The following TBC1D5 variants were observed in gnomAD, a reference collection of about 807,000 sequenced individuals.
The protein encoded by TBC1D5 is TBC1 domain family member 5, also known as TBC1 domain family, member 5.
In TBC1D5, 75 loss-of-function variants were observed where a neutral mutation model predicts 100.3. That is an observed-to-expected ratio of 0.75 (90% CI 0.62 to 0.91). The LOEUF is 0.91. TBC1D5 is among the 40% of genes least tolerant of loss of function. The pLI is 0.00. For missense variants in TBC1D5, 910 were observed against 942.4 expected (o/e 0.97, Z 0.45); for synonymous variants, 323 against 325.6 (o/e 0.99, Z 0.09).
At chr3:17,582,269 G>A (rs570863914) in intron 2 of TBC1D5, among the ~76,000 whole-genome samples, 1 of 152,260 alleles carries the variant, frequency 6.6e-6, no homozygotes, top group East Asian at 1.9e-4. Context: ...TTCTCAGGAG[G>A]AATAATGGAT....
At chr3:17,258,951 A>AT (rs1442491471) in intron 15 of TBC1D5, among the ~76,000 whole-genome samples, 1 of 152,192 alleles carries the variant, frequency 6.6e-6, no homozygotes, top group Admixed American at 6.5e-5. Context: ...ATGGAGAGAC[A>AT]TAAGGTGTCA....
chr3:17,473,598 T>C (rs558099203), intron 3 of TBC1D5, among the ~76,000 whole-genome samples: 8 of 152,222 alleles, frequency 5.3e-5, no homozygotes, highest in Non-Finnish European at 8.8e-5. Context: ...TGAAGGTGGC[T>C]CTGTGGATCA....
intron 3 of TBC1D5, among the ~76,000 whole-genome samples, chr3:17,456,307 A>T (rs1010951509): frequency 2.0e-5 from 3 of 152,204 alleles, no homozygotes; most frequent in African/African-American, 7.2e-5. Flanking sequence ...ATGGGATCAC[A>T]TCAAGTTAAA....
At chr3:17,538,799 G>C (rs1315213201) in intron 2 of TBC1D5, among the ~76,000 whole-genome samples, 1 of 152,310 alleles carries the variant, frequency 6.6e-6, no homozygotes, top group East Asian at 1.9e-4. Context: ...AGTATCTTGG[G>C]AGGCTAAGGC....
At chr3:17,174,028 G>A (rs767796605) in intron 19 of TBC1D5, among the ~76,000 whole-genome samples, 16 of 152,134 alleles carry the variant, frequency 1.1e-4, no homozygotes, top group Non-Finnish European at 2.4e-4. Context: ...GTATCTCTGT[G>A]TGTCCTTGCA....
intron 1 of TBC1D5, among the ~76,000 whole-genome samples, chr3:17,715,857 G>T (rs1376397602): frequency 6.6e-6 from 1 of 151,988 alleles, no homozygotes; most frequent in Admixed American, 6.6e-5. Flanking sequence ...AAGAGTTTGA[G>T]ACCAGCCTGG....
intron 13 of TBC1D5, chr3:17,337,673 A>C (rs1462338777): frequency 6.6e-6 from 1 of 152,212 alleles, no homozygotes; most frequent in African/African-American, 2.4e-5. Flanking sequence ...AGTTTAAATA[A>C]AGAACACAAT....
chr3:17,341,549 A>C (rs1401717952), intron 13 of TBC1D5, among the ~76,000 whole-genome samples: 13 of 152,188 alleles, frequency 8.5e-5, no homozygotes. Context: ...GAGAAACTGC[A>C]GCCTGGAGAT....
At chr3:17,531,277 G>A (rs2096220681) in intron 2 of TBC1D5, among the ~76,000 whole-genome samples, 1 of 152,114 alleles carries the variant, frequency 6.6e-6, no homozygotes, top group South Asian at 2.1e-4. Context: ...AAACTTACAA[G>A]GGATGTGAAG....
chr3:17,595,034 G>C (rs746737520), intron 2 of TBC1D5, among the ~76,000 whole-genome samples: 1 of 152,108 alleles, frequency 6.6e-6, no homozygotes, highest in Non-Finnish European at 1.5e-5. Context: ...AATATAAGCA[G>C]GCAGAAAAGT....
intron 1 of TBC1D5, among the ~76,000 whole-genome samples, chr3:17,707,700 C>A (rs1038884396): frequency 1.9e-4 from 29 of 152,248 alleles, no homozygotes; most frequent in African/African-American, 6.5e-4. Context: ...CCAGTCAAAA[C>A]AGCTTCTTCA....
chr3:17,210,166 G>A (rs980752563), intron 18 of TBC1D5, among the ~76,000 whole-genome samples: 2 of 151,708 alleles, frequency 1.3e-5, no homozygotes, highest in East Asian at 3.9e-4. Flanking sequence ...TTGAATCTAG[G>A]TTAGAAGTAA....
intron 2 of TBC1D5, among the ~76,000 whole-genome samples, chr3:17,597,309 T>G (rs1033788496): frequency 9.9e-5 from 15 of 152,146 alleles, no homozygotes; most frequent in Admixed American, 2.6e-4. Context: ...ATATTGATAT[T>G]TATATGGAGT....
chr3:17,689,156 GCTA>G lies in TBC1D5; in HGVS notation c.-101+50184_-101+50186del, dbSNP rs536275623. On this transcript the variant is annotated intron_variant, in intron 1 of 21. Coordinates refer to ENST00000253692, the Ensembl canonical transcript of TBC1D5. Reference sequence around the variant, plus strand: ...AAAAACAAAGGAAAAGACATTCAAAGCTACTAACAAGTGCATGGAGTTGGCCAA... The same window carrying G: ...AAAAACAAAGGAAAAGACATTCAAAGCTAACAAGTGCATGGAGTTGGCCAA... Among the ~76,000 whole-genome samples the G allele has an allele frequency of 1.1e-4, 16 of 152,218 alleles. No individual in the cohort carries two copies. In the South Asian group the frequency reaches 3.1e-3, roughly 30 times the overall value.
chr3:17,429,913 T>C (rs1298518543), intron 3 of TBC1D5, among the ~76,000 whole-genome samples: 1 of 151,532 alleles, frequency 6.6e-6, no homozygotes, highest in Non-Finnish European at 1.5e-5. Flanking sequence ...ATTGTTCCAG[T>C]TTATTTTGTT....
intron 18 of TBC1D5, among the ~76,000 whole-genome samples, chr3:17,191,926 T>C (rs768736165): frequency 2.0e-5 from 3 of 152,104 alleles, no homozygotes; most frequent in African/African-American, 4.8e-5. Context: ...ACCCAACTTA[T>C]GCAACCTTTA....
intron 1 of TBC1D5, among the ~76,000 whole-genome samples, chr3:17,723,849 C>A (rs183027479): frequency 2.5e-3 from 377 of 152,150 alleles, no homozygotes; most frequent in Non-Finnish European, 4.0e-3. Flanking sequence ...AATGGATTTT[C>A]AACTGCACAG....
At chr3:17,356,467 C>G (rs1181371943) in intron 13 of TBC1D5, among the ~76,000 whole-genome samples, 1 of 152,110 alleles carries the variant, frequency 6.6e-6, no homozygotes, top group Non-Finnish European at 1.5e-5. Flanking sequence ...AAGCATAATG[C>G]TTGATATTAG....
intron 8 of TBC1D5, among the ~76,000 whole-genome samples, chr3:17,396,761 G>A (rs1306608743): frequency 2.0e-5 from 3 of 152,134 alleles, no homozygotes; most frequent in African/African-American, 7.2e-5. Context: ...TTCTAAAGGT[G>A]AGAGAAAAGA....
Sources: allele counts gnomAD v4.1 joint callset (sites outside exome capture counted in the v4.1 genomes callset), GRCh38; gene constraint gnomAD v4.1.1; transcripts MANE v1.5; gene names NCBI Gene and HGNC (gene_info 2026-07-23, HGNC 2026-07-21).